The following RABGAP1L variants were observed in gnomAD, a reference collection of about 807,000 sequenced individuals.
RABGAP1L encodes the protein RAB GTPase activating protein 1 like.
Under a neutral mutation model 137.7 loss-of-function variants are expected in RABGAP1L, and 63 were observed. That is an observed-to-expected ratio of 0.46 (90% CI 0.37 to 0.56). The LOEUF (loss-of-function observed/expected upper bound fraction) is 0.56, where lower values mean the gene tolerates loss of function less well. Among genes scored for constraint, RABGAP1L ranks in the 20% least tolerant of loss-of-function variants. The pLI, the probability that RABGAP1L is intolerant of heterozygous loss-of-function variation, is 0.00. For synonymous variants in RABGAP1L, 431 were observed against 433.7 expected (o/e 0.99, Z 0.08); for missense variants, 1,095 against 1,244.0 (o/e 0.88, Z 1.80).
At chr1:174,307,451 ACT>A (rs1488499387) in intron 11 of RABGAP1L, among the ~76,000 whole-genome samples, 3 of 152,018 alleles carry the variant, frequency 2.0e-5, no homozygotes, top group Admixed American at 1.3e-4. Context: ...TTAAGCAGTC[ACT>A]CTCTGTTCTC....
chr1:174,963,714 C>A (rs939940900), intron 20 of RABGAP1L, among the ~76,000 whole-genome samples: 2 of 151,626 alleles, frequency 1.3e-5, no homozygotes, highest in Admixed American at 6.6e-5. Flanking sequence ...TTTTGTAAAC[C>A]AAGTTTTATT....
intron 13 of RABGAP1L, among the ~76,000 whole-genome samples, chr1:174,399,887 CAT>C (rs1648344549): frequency 6.6e-6 from 1 of 152,164 alleles, no homozygotes; most frequent in East Asian, 1.9e-4. Context: ...TCCCACGACA[CAT>C]GAGGATTATG....
intron 1 of RABGAP1L, among the ~76,000 whole-genome samples, chr1:174,198,317 C>G (rs1218616390): frequency 2.6e-5 from 4 of 152,072 alleles, no homozygotes; most frequent in Admixed American, 1.3e-4. Flanking sequence ...TCAGGAGTTT[C>G]TTGAAGTAAT....
chr1:174,365,050 AAAG>A (rs1186002710), intron 11 of RABGAP1L, among the ~76,000 whole-genome samples: 2 of 152,152 alleles, frequency 1.3e-5, no homozygotes, highest in Non-Finnish European at 2.9e-5. Context: ...CCTTAAGCAG[AAAG>A]AAGGAGACAC....
chr1:174,957,422 C>A, intron 19 of RABGAP1L, 35 bp from the exon 20 acceptor site: 1 of 1,535,490 alleles, frequency 6.5e-7, no homozygotes, highest in Non-Finnish European at 9.0e-7. Context: ...TAAATGGTGT[C>A]CTTGTCTAAC....
chr1:174,503,413 G>A (rs2147771796), intron 13 of RABGAP1L, among the ~76,000 whole-genome samples: 1 of 152,206 alleles, frequency 6.6e-6, no homozygotes, highest in East Asian at 1.9e-4. Flanking sequence ...TGTAATCCCA[G>A]CACTTTGGGA....
At chr1:174,255,468 T>C (rs956221810) in intron 7 of RABGAP1L, among the ~76,000 whole-genome samples, 3 of 152,090 alleles carry the variant, frequency 2.0e-5, no homozygotes, top group Non-Finnish European at 4.4e-5. Context: ...AATATCTCAG[T>C]GTTACCAGTG....
intron 7 of RABGAP1L, among the ~76,000 whole-genome samples, chr1:174,269,221 G>T (rs1453910833): frequency 6.6e-6 from 1 of 152,242 alleles, no homozygotes; most frequent in African/African-American, 2.4e-5. Context: ...GGGATTTACA[G>T]GCGTGAGCCA....
intron 19 of RABGAP1L, among the ~76,000 whole-genome samples, chr1:174,858,092 A>G (rs767855199): frequency 3.3e-5 from 5 of 152,134 alleles, no homozygotes; most frequent in African/African-American, 4.8e-5. Context: ...CACTCATTGC[A>G]GTCTTGACCT....
chr1:174,764,110 C>T (rs1033364090), intron 18 of RABGAP1L, among the ~76,000 whole-genome samples: 4 of 152,054 alleles, frequency 2.6e-5, no homozygotes, highest in Non-Finnish European at 5.9e-5. Flanking sequence ...ATGTTTTCAA[C>T]GTTTATCCAT....
At chr1:174,979,356 A>C (rs1033583960) in intron 23 of RABGAP1L, among the ~76,000 whole-genome samples, 2 of 152,200 alleles carry the variant, frequency 1.3e-5, no homozygotes, top group African/African-American at 4.8e-5. Context: ...TATTACTTAT[A>C]GCTTATTACT....
At chr1:174,222,714 C>A (rs1362320070) in intron 3 of RABGAP1L, among the ~76,000 whole-genome samples, 2 of 151,962 alleles carry the variant, frequency 1.3e-5, no homozygotes, top group Admixed American at 6.5e-5. Flanking sequence ...AGCTCTTTGA[C>A]GTTGTACTAA....
At chr1:174,460,159 G>A (rs1011686015) in intron 13 of RABGAP1L, among the ~76,000 whole-genome samples, 1 of 151,988 alleles carries the variant, frequency 6.6e-6, no homozygotes, top group Non-Finnish European at 1.5e-5. Flanking sequence ...GTTGTAAAAG[G>A]ATGAGTTATA....
chr1:174,968,881 C>T (rs760732213), intron 20 of RABGAP1L, among the ~76,000 whole-genome samples: 5 of 152,166 alleles, frequency 3.3e-5, no homozygotes, highest in Non-Finnish European at 7.3e-5. Context: ...TTCATTCCTA[C>T]TGTGTCTTGT....
intron 18 of RABGAP1L, among the ~76,000 whole-genome samples, chr1:174,786,065 TTG>T (rs926548115): frequency 1.3e-5 from 2 of 152,244 alleles, no homozygotes; most frequent in African/African-American, 4.8e-5. Context: ...ATGCATTTAC[TTG>T]TAGTTTTTAT....
At chr1:174,561,413 C>T (rs1009171395) in intron 13 of RABGAP1L, among the ~76,000 whole-genome samples, 3 of 152,212 alleles carry the variant, frequency 2.0e-5, no homozygotes, top group South Asian at 2.1e-4. Context: ...GAATCAGTAT[C>T]GTGAAAATGG....
chr1:174,334,030 A>G (rs1681263216), intron 11 of RABGAP1L, among the ~76,000 whole-genome samples: 1 of 152,136 alleles, frequency 6.6e-6, no homozygotes, highest in Non-Finnish European at 1.5e-5. Context: ...CTCTGCACAC[A>G]CTCAGGAGAA....
At chr1:174,489,375 A>G (rs968870984) in intron 13 of RABGAP1L, among the ~76,000 whole-genome samples, 4 of 152,214 alleles carry the variant, frequency 2.6e-5, no homozygotes, top group African/African-American at 9.6e-5. Flanking sequence ...GAAGGATATG[A>G]ACAGACACTT....
chr1:174,623,684 G>T (rs1672721395), intron 13 of RABGAP1L, among the ~76,000 whole-genome samples: 1 of 152,152 alleles, frequency 6.6e-6, no homozygotes, highest in African/African-American at 2.4e-5. Context: ...TTGAGGCTCT[G>T]TCACATATTA....
Sources: allele counts gnomAD v4.1 joint callset (sites outside exome capture counted in the v4.1 genomes callset), GRCh38; gene constraint gnomAD v4.1.1; transcripts MANE v1.5; gene names NCBI Gene and HGNC (gene_info 2026-07-23, HGNC 2026-07-21).